FBXO4: variants seen among roughly 807,000 people sequenced by gnomAD.
The protein encoded by FBXO4 is F-box only protein 4.
Under a neutral mutation model 43.7 loss-of-function variants are expected in FBXO4, and 36 were observed. That is an observed-to-expected ratio of 0.82 (90% CI 0.63 to 1.09). The LOEUF (loss-of-function observed/expected upper bound fraction) is 1.09. Among genes scored for constraint, FBXO4 ranks in the 50% least tolerant of loss-of-function variants. FBXO4 has a pLI of 0.00. For synonymous variants in FBXO4, 180 were observed against 165.6 expected, an observed-to-expected ratio of 1.09 and a Z score of -0.67; for missense variants, 435 against 474.1, an observed-to-expected ratio of 0.92 and a Z score of 0.77.
the FBXO4 span, among the ~76,000 whole-genome samples, chr5:41,981,954 G>A: frequency 6.8e-6 from 1 of 146,740 alleles, no homozygotes; most frequent in East Asian, 2.0e-4. Context: ...CTGTGCCCAA[G>A]TGTTCTCATT....
chr5:41,934,424 G>C, intron 5 of FBXO4, 116 bp downstream of exon 5: 1 of 1,524,878 alleles, frequency 6.6e-7, no homozygotes, highest in Admixed American at 2.0e-5. Context: ...TTATCAATGT[G>C]ATTTTCTGAC....
downstream of FBXO4, among the ~76,000 whole-genome samples, chr5:41,944,193 T>C (rs1383411084): frequency 1.3e-5 from 2 of 152,228 alleles, no homozygotes; most frequent in Non-Finnish European, 2.9e-5. Context: ...TGTCATTTTG[T>C]AGAAATCAAA....
At chr5:41,951,126 G>A in the FBXO4 span, among the ~76,000 whole-genome samples, 6 of 152,156 alleles carry the variant, frequency 3.9e-5, no homozygotes, top group South Asian at 2.1e-4. Flanking sequence ...ACTGGTTGAC[G>A]GGTGCAGCAA....
At chr5:41,976,143 C>G in the FBXO4 span, among the ~76,000 whole-genome samples, 1 of 152,242 alleles carries the variant, frequency 6.6e-6, no homozygotes, top group East Asian at 1.9e-4. Context: ...CAAACATCTC[C>G]CACCAGGCCC....
chr5:41,983,848 T>G, the FBXO4 span, among the ~76,000 whole-genome samples: 1 of 152,008 alleles, frequency 6.6e-6, no homozygotes, highest in African/African-American at 2.4e-5. Context: ...TTACTAGTGT[T>G]ATATTTAAAT....
At chr5:42,015,540 A>G in the FBXO4 span, among the ~76,000 whole-genome samples, 23 of 152,118 alleles carry the variant, frequency 1.5e-4, no homozygotes, top group Non-Finnish European at 3.2e-4. Context: ...TCTAAATCCA[A>G]ATTTAGTTTC....
At chr5:42,028,336 G>A in the FBXO4 span, among the ~76,000 whole-genome samples, 2 of 151,792 alleles carry the variant, frequency 1.3e-5, no homozygotes, top group East Asian at 1.9e-4. Context: ...AAGAAGTATA[G>A]CAACTTCTGC....
At chr5:41,933,396 T>G (rs577921896) in intron 3 of FBXO4, among the ~76,000 whole-genome samples, 3 of 152,228 alleles carry the variant, frequency 2.0e-5, no homozygotes, top group African/African-American at 7.2e-5. Context: ...TTTGTATTTT[T>G]TGTAGAGATG....
At chr5:41,991,907 C>T in the FBXO4 span, among the ~76,000 whole-genome samples, 1 of 152,098 alleles carries the variant, frequency 6.6e-6, no homozygotes, top group African/African-American at 2.4e-5. Flanking sequence ...GGAGAAACCC[C>T]GTCTCTACTA....
rs1486701026 is a variant in FBXO4, at chr5:41,925,498, G to A, written c.189G>A (p.Pro63=). 1.5e-6 allele frequency: 2 copies of A among 1,307,736 alleles called. No homozygotes were observed. Among genetic ancestry groups the A allele is most frequent in the Non-Finnish European group, 9.8e-7 (1 of 1,020,176 alleles). The allele number at this position is 1,307,736 out of a possible 1,614,324, so 81.0% of individuals were successfully genotyped here. A position where few individuals can be genotyped will look rare whatever the true frequency, so the allele number is the denominator to read the frequency against. ...DEAASTLTRL[P]IDVQLYILSF... is the part of the protein sequence containing the mutation. The stretch of plus-strand genomic sequence containing the variant: ...CGGCCAGCACCCTGACGCGGCTGCC[G>A]GTGAGCGTCGGCCGCAGGCCGCGGA... Residue 63 remains proline, a splice_region_variant and synonymous_variant, in exon 1 of 7, where the codon CCG becomes CCA. Coordinates refer to ENST00000281623, the MANE Select transcript of FBXO4 (RefSeq NM_012176.3).
rs1561166922 is a variant in FBXO4 at position 41,927,228 on chromosome 5, A to AT, written c.411dup (p.Asp138Ter). On this transcript the variant is annotated frameshift_variant, in exon 2 of 7. Coordinates refer to ENST00000281623, the MANE Select transcript of FBXO4 (RefSeq NM_012176.3). LOFTEE classifies it high-confidence loss of function. ...CTATATCTGAGGTCACTGATGGTGC[A>AT]TTTTTTGACTACATGGCAGTGTAAG... The AT allele has an allele frequency of 1.2e-6, 2 of 1,603,150 alleles. No homozygotes were observed. Among genetic ancestry groups the AT allele is most frequent in the Non-Finnish European group, 1.7e-6 (2 of 1,176,936 alleles).
chr5:41,927,110 C>T lies in FBXO4; in HGVS notation c.287C>T (p.Pro96Leu). 6.2e-7 allele frequency: 1 copy of T among 1,613,660 alleles called. No individual in the cohort carries two copies. The highest frequency in any genetic ancestry group is 8.5e-7 in the Non-Finnish European group (1 of 1,179,790). Residue 96 changes from proline to leucine, a missense_variant, in exon 2 of 7, where the codon CCA becomes CTA. By Grantham distance (98) the Pro-to-Leu change is moderately conservative. Coordinates refer to ENST00000281623, the MANE Select transcript of FBXO4 (RefSeq NM_012176.3). ...NHYWNETVRDPILWRYFLLRD... is the reference protein window; with the variant it reads ...NHYWNETVRDLILWRYFLLRD... ...TATTGGAATGAAACTGTAAGAGATCCAATTCTGTGGAGATACTTTTTGTTG... is the reference window on the plus strand; with the variant it reads ...TATTGGAATGAAACTGTAAGAGATCTAATTCTGTGGAGATACTTTTTGTTG...
At chr5:41,957,480 A>G in the FBXO4 span, among the ~76,000 whole-genome samples, 1 of 148,742 alleles carries the variant, frequency 6.7e-6, no homozygotes, top group South Asian at 2.1e-4. Context: ...TATTAATAAC[A>G]ATAATTATAA....
At chr5:42,029,771 A>AT in the FBXO4 span, among the ~76,000 whole-genome samples, 6 of 151,836 alleles carry the variant, frequency 4.0e-5, no homozygotes, top group South Asian at 1.0e-3. Context: ...TGCCAATTGC[A>AT]TTTTTTTCCA....
At chr5:41,991,050 T>A in the FBXO4 span, among the ~76,000 whole-genome samples, 1 of 152,230 alleles carries the variant, frequency 6.6e-6, no homozygotes, top group African/African-American at 2.4e-5. Context: ...TGTCAGGGTC[T>A]GCCTCATTAC....
chr5:41,980,548 G>T, the FBXO4 span, among the ~76,000 whole-genome samples: 1 of 152,094 alleles, frequency 6.6e-6, no homozygotes, highest in African/African-American at 2.4e-5. Flanking sequence ...GGCAGGAGTT[G>T]TAAATTATTT....
chr5:42,040,221 T>C, the FBXO4 span, among the ~76,000 whole-genome samples: 4 of 152,102 alleles, frequency 2.6e-5, no homozygotes, highest in Non-Finnish European at 4.4e-5. Context: ...TCATAGCCCA[T>C]ATACCTTTCA....
chr5:41,939,545 G>T lies in FBXO4; in HGVS notation c.1003G>T (p.Asp335Tyr), dbSNP rs146542193. ...LLVLSCISQG[D>Y]VKRMPCFYLA... ...GGTTTTATCTTGTATTTCTCAAGGGGATGTAAAAAGAATGCCCTGTTTTTA... is the reference window on the plus strand; with the variant it reads ...GGTTTTATCTTGTATTTCTCAAGGGTATGTAAAAAGAATGCCCTGTTTTTA... The change falls in exon 6 of 7, where the codon GAT (aspartate) becomes TAT (tyrosine). Residue 335 changes from aspartate (D) to tyrosine (Y), a missense_variant. Transcript: ENST00000281623. 1 of 1,613,750 alleles carries T rather than the reference G, an allele frequency of 6.2e-7. No homozygotes were observed.
the FBXO4 span, among the ~76,000 whole-genome samples, chr5:42,017,248 A>C: frequency 2.0e-5 from 3 of 152,042 alleles, no homozygotes; most frequent in African/African-American, 7.2e-5. Context: ...AGAAAGAAAA[A>C]ACTTAAAAAG....
Sources: allele counts gnomAD v4.1 joint callset (sites outside exome capture counted in the v4.1 genomes callset), GRCh38; gene constraint gnomAD v4.1.1; transcripts MANE v1.5; gene names NCBI Gene and HGNC (gene_info 2026-07-23, HGNC 2026-07-21).